BTBD1: variants seen among roughly 807,000 people sequenced by gnomAD.
BTBD1 encodes BTB domain containing 1.
Under a neutral mutation model 48.0 loss-of-function variants are expected in BTBD1, and 34 were observed. The ratio of observed to expected loss-of-function variants is 0.71; its 90% confidence interval spans 0.54 to 0.94. BTBD1 has a LOEUF of 0.94. BTBD1 is among the 40% of genes least tolerant of loss of function. The pLI, the probability that BTBD1 is intolerant of heterozygous loss-of-function variation, is 0.00. For missense variants in BTBD1, 543 were observed against 625.6 expected (o/e 0.87, Z 1.41); for synonymous variants, 261 against 242.1 (o/e 1.08, Z -0.72).
At chr15:83,019,589 C>CTTTTTTT in intron 6 of BTBD1, among the ~76,000 whole-genome samples, 1 of 132,986 alleles carries the variant, frequency 7.5e-6, no homozygotes, top group Non-Finnish European at 1.6e-5. Flanking sequence ...AGCCTGGTGT[C>CTTTTTTT]TTTTTTTTTT....
At chr15:83,021,485 T>C (rs2032293825) in intron 5 of BTBD1, among the ~76,000 whole-genome samples, 1 of 152,164 alleles carries the variant, frequency 6.6e-6, no homozygotes, top group Admixed American at 6.6e-5. Context: ...CTGGGTGTGG[T>C]GGCTCACACT....
Position 83,056,510 on chromosome 15 carries a change from T to G in BTBD1, c.437A>C (p.Glu146Ala). The G allele has an allele frequency of 6.2e-7, 1 of 1,613,924 alleles. No individual in the cohort carries two copies. Among genetic ancestry groups the G allele is most frequent in the Non-Finnish European group, 8.5e-7 (1 of 1,179,822 alleles). Residue 146 changes from glutamate (E) to alanine (A), a missense_variant, in exon 2 of 8, where the codon GAA becomes GCA. Transcript: ENST00000261721. ...LYSDEVQIGP[E>A]TVMTTLYTAK... ...AGTATAAAGAGTGGTCATAACTGTT[T>G]CTGGACCAATTTGAACTTCATCTGA...
chr15:83,061,139 C>T (rs1050084680), intron 1 of BTBD1, among the ~76,000 whole-genome samples: 5 of 152,182 alleles, frequency 3.3e-5, no homozygotes, highest in Admixed American at 6.5e-5. Flanking sequence ...CTACTACGCA[C>T]CTAAGCTATG....
intron 1 of BTBD1, among the ~76,000 whole-genome samples, chr15:83,059,577 A>G (rs2151314341): frequency 6.6e-6 from 1 of 152,294 alleles, no homozygotes; most frequent in African/African-American, 2.4e-5. Flanking sequence ...ACAAAAGTTT[A>G]TAGCTTATAC....
Position 83,059,068 on chromosome 15 carries a change from A to G in BTBD1, c.402-2523T>C, listed in dbSNP as rs2033135678. Among the ~76,000 whole-genome samples, 6 of 152,210 alleles carry G rather than the reference A, an allele frequency of 3.9e-5. No homozygotes were observed. In the South Asian group the frequency reaches 1.2e-3, roughly 32 times the overall value. On this transcript the variant is annotated intron_variant, in intron 1 of 7. Transcript: ENST00000261721. ...ATTTTTTAAAACAAGTATGTATCTG[A>G]AGACACAGACTGAAGACACTTCATT... is the stretch of plus-strand genomic sequence containing the variant.
In BTBD1 at chr15:83,016,438, T is replaced by A. The variant is rs1055715722; in HGVS notation, c.*1629A>T. The A allele has an allele frequency of 3.3e-5, 5 of 151,316 alleles. No individual in the cohort carries two copies. Among genetic ancestry groups the A allele is most frequent in the African/African-American group, 1.2e-4 (5 of 41,316 alleles). The allele number at this position is 151,316 out of a possible 1,614,324, so 9.4% of individuals were successfully genotyped here. A position where few individuals can be genotyped will look rare whatever the true frequency, so the allele number is the denominator to read the frequency against. On this transcript the variant is annotated 3_prime_UTR_variant, in exon 8 of 8. Coordinates refer to ENST00000261721, the MANE Select transcript of BTBD1 (RefSeq NM_025238.4). Reference sequence around the variant, plus strand: ...CATAAAAGAGTTTTTTTTATATATATATATATTTATTTATTTTTAAAAACT... The same window carrying A: ...CATAAAAGAGTTTTTTTTATATATAAATATATTTATTTATTTTTAAAAACT...
chr15:83,050,653 A>G (rs189024238), intron 2 of BTBD1, among the ~76,000 whole-genome samples: 4 of 152,254 alleles, frequency 2.6e-5, no homozygotes, highest in Admixed American at 6.5e-5. Context: ...TATAATATCA[A>G]TTGTCAAGCA....
chr15:83,050,126 T>C lies in BTBD1; in HGVS notation c.611A>G (p.Asp204Gly), dbSNP rs1476151405. Reference protein sequence around the residue: ...QLASLCLDTIDKSTMDAISAE... With the variant: ...QLASLCLDTIGKSTMDAISAE... ...ACTTATTGCATCCATTGTGCTTTTG[T>C]CTATTGTATCTAGACAAAGACTAGC... The change falls in exon 3 of 8, where the codon GAC (aspartate) becomes GGC (glycine). Residue 204 changes from aspartate to glycine, a missense_variant. Coordinates refer to ENST00000261721, the MANE Select transcript of BTBD1 (RefSeq NM_025238.4). 2 of 1,613,188 alleles carry C rather than the reference T, an allele frequency of 1.2e-6. No individual in the cohort carries two copies. Among genetic ancestry groups the C allele is most frequent in the East Asian group, 2.2e-5 (1 of 44,800 alleles).
At chr15:83,021,419 C>A (rs2032292658) in intron 5 of BTBD1, among the ~76,000 whole-genome samples, 1 of 152,154 alleles carries the variant, frequency 6.6e-6, no homozygotes, top group Non-Finnish European at 1.5e-5. Flanking sequence ...ATTGACCCAT[C>A]TTACTCCATT....
At chr15:83,026,849 T>C (rs1213625896) in intron 5 of BTBD1, among the ~76,000 whole-genome samples, 1 of 152,100 alleles carries the variant, frequency 6.6e-6, no homozygotes, top group Non-Finnish European at 1.5e-5. Context: ...TATTCAGACT[T>C]TTACAAGAGG....
At chr15:83,048,557 C>T (rs2151309540) in intron 3 of BTBD1, among the ~76,000 whole-genome samples, 1 of 152,304 alleles carries the variant, frequency 6.6e-6, no homozygotes. Context: ...CTTTGCACCT[C>T]CTTCCTCTTA....
intron 1 of BTBD1, among the ~76,000 whole-genome samples, chr15:83,058,661 C>T (rs538257097): frequency 6.6e-6 from 1 of 152,074 alleles, no homozygotes; most frequent in South Asian, 2.1e-4. Flanking sequence ...GACAAGGTAG[C>T]AGTCTAGAAG....
chr15:83,020,161 C>G (rs1596419696), intron 6 of BTBD1: 1 of 152,440 alleles, frequency 6.6e-6, no homozygotes, highest in East Asian at 1.9e-4. Flanking sequence ...GTCCTAGCTA[C>G]TTGGGAGGCT....
intron 4 of BTBD1, chr15:83,030,654 A>G (rs1469635406): frequency 1.1e-5 from 2 of 186,514 alleles, no homozygotes; most frequent in Non-Finnish European, 2.2e-5. Flanking sequence ...CTAAGAAACC[A>G]TAAAAATTCT....
chr15:83,031,548 T>C (rs2032515891), intron 4 of BTBD1, among the ~76,000 whole-genome samples: 1 of 152,188 alleles, frequency 6.6e-6, no homozygotes, highest in African/African-American at 2.4e-5. Context: ...AAACACCGCA[T>C]GTTCTCACTC....
At chr15:83,057,945 C>G (rs923546290) in intron 1 of BTBD1, among the ~76,000 whole-genome samples, 1 of 152,228 alleles carries the variant, frequency 6.6e-6, no homozygotes, top group African/African-American at 2.4e-5. Context: ...AGCCCTAGGG[C>G]AGGGACCCCT....
At position 83,044,522 on chromosome 15, in the gene BTBD1, C is replaced by T. The variant is rs543671970; in HGVS notation, c.665-2597G>A. On this transcript the variant is annotated intron_variant, in intron 3 of 7. Transcript: ENST00000261721. Reference sequence around the variant, plus strand: ...TCATCACTTGTGATGGCAAAAACCTCACCATAAAAACCGAGAGCACTTTGA... The same window carrying T: ...TCATCACTTGTGATGGCAAAAACCTTACCATAAAAACCGAGAGCACTTTGA... 9.4e-5 allele frequency: 150 copies of T among 1,588,618 alleles called. No homozygotes were observed. In the African/African-American group the frequency reaches 1.5e-3, roughly 15 times the overall value.
Position 83,041,883 on chromosome 15 carries a change from C to T in BTBD1, c.707G>A (p.Arg236Gln), listed in dbSNP as rs758435230. The T allele has an allele frequency of 1.9e-5, 31 of 1,613,936 alleles. No homozygotes were observed. The highest frequency in any genetic ancestry group is 3.3e-5 in the Admixed American group (2 of 59,972). The change falls in exon 4 of 8, where the codon CGA (arginine) becomes CAA (glutamine). Residue 236 changes from arginine (R) to glutamine (Q), a missense_variant. Coordinates refer to ENST00000261721, the MANE Select transcript of BTBD1 (RefSeq NM_025238.4). ...AACAGCTCCAAAAAGTCGACTTTCT[C>T]GAATACTGAGTGTGTCTCTCTCTAA... Reference protein sequence around the residue: ...AVLERDTLSIRESRLFGAVVR... With the variant: ...AVLERDTLSIQESRLFGAVVR...
At chr15:83,042,716 A>C (rs9646239) in intron 3 of BTBD1, among the ~76,000 whole-genome samples, 18,161 of 152,210 alleles carry the variant, frequency 0.12, 1,162 homozygotes, top group Middle Eastern at 0.22. Flanking sequence ...AAAAGTTAAA[A>C]ATTCCTGCCC....
Sources: gnomAD v4.1 joint callset for allele counts (sites outside exome capture counted in the v4.1 genomes callset) on GRCh38, gnomAD v4.1.1 for gene constraint, MANE v1.5 for transcripts, NCBI Gene and HGNC (gene_info 2026-07-23, HGNC 2026-07-21) for gene names.